The following SOCS7 variants were observed in gnomAD, a reference collection of about 807,000 sequenced individuals.
SOCS7 encodes suppressor of cytokine signaling 7.
In SOCS7, 18 loss-of-function variants were observed where a neutral mutation model predicts 58.9. The ratio of observed to expected loss-of-function variants is 0.31; its 90% CI spans 0.21 to 0.45. SOCS7 has a LOEUF of 0.45. Among genes scored for constraint, SOCS7 ranks in the 20% least tolerant of loss-of-function variants. The pLI is 1.00. For missense variants in SOCS7, 667 were observed against 837.3 expected (o/e 0.80, Z 2.51); for synonymous variants, 388 against 364.3 (o/e 1.06, Z -0.74).
At chr17:38,357,542 ATAGGTTCTT>A (rs2144313827) in intron 1 of SOCS7, among the ~76,000 whole-genome samples, 1 of 152,280 alleles carries the variant, frequency 6.6e-6, no homozygotes, top group South Asian at 2.1e-4. Flanking sequence ...AGTTCCCTCT[ATAGGTTCTT>A]TAGTTGGTTT....
intron 7 of SOCS7, among the ~76,000 whole-genome samples, chr17:38,387,115 ATATATATATATATGTATG>A (rs1434269401): frequency 2.8e-5 from 3 of 108,294 alleles, no homozygotes; most frequent in Non-Finnish European, 5.2e-5. Flanking sequence ...ATATATATAT[ATATATATATATATGTATG>A]TATATATATA....
rs112873262 is a variant in SOCS7, at chr17:38,378,574, T to G, written c.1681+732T>G. 4.6e-3 allele frequency among the ~76,000 whole-genome samples: 702 copies of G among 152,294 alleles called. 4 individuals are homozygous for G. The highest frequency in any genetic ancestry group is 0.035 in the East Asian group (181 of 5,188). ...GCACATTGCACTCTGTTAGGAAGTA[T>G]CTGCTGTGGGTTTGCCCATGTTGTA... On this transcript the variant is annotated intron_variant, in intron 7 of 9. Coordinates refer to ENST00000612932, the MANE Select transcript of SOCS7 (RefSeq NM_014598.4).
At chr17:38,366,560 TCA>T in intron 5 of SOCS7, 143 bp downstream of exon 5, 1 of 1,006,768 alleles carries the variant, frequency 9.9e-7, no homozygotes, top group Non-Finnish European at 1.4e-6. Context: ...GGTGGCATAA[TCA>T]TAGCTCACTG....
At chr17:38,399,114 GAA>G (rs2038284990) in intron 9 of SOCS7, among the ~76,000 whole-genome samples, 1 of 149,696 alleles carries the variant, frequency 6.7e-6, no homozygotes, top group Non-Finnish European at 1.5e-5. Context: ...AAGAAAGAAA[GAA>G]ATATAGAGCT....
chr17:38,396,572 A>G (rs1247713171), intron 9 of SOCS7, among the ~76,000 whole-genome samples: 5 of 152,230 alleles, frequency 3.3e-5, no homozygotes, highest in African/African-American at 9.6e-5. Flanking sequence ...TAAATTGTTG[A>G]AACTAAGGAA....
chr17:38,389,897 A>ATGTATATATATATATATG (rs1555571091), intron 7 of SOCS7, among the ~76,000 whole-genome samples: 1 of 77,356 alleles, frequency 1.3e-5, no homozygotes, highest in African/African-American at 8.0e-5. Flanking sequence ...ATATATATAT[A>ATGTATATATATATATATG]TACACATATA....
chr17:38,376,115 A>G (rs4795270), intron 6 of SOCS7, among the ~76,000 whole-genome samples: 33,587 of 152,170 alleles, frequency 0.22, 4,899 homozygotes, highest in East Asian at 0.43. Context: ...TATGTAAACT[A>G]TACACACATG....
chr17:38,366,448 T>G, intron 5 of SOCS7, 31 bp downstream of exon 5: 3 of 1,612,886 alleles, frequency 1.9e-6, no homozygotes, highest in Non-Finnish European at 2.5e-6. Flanking sequence ...GGCAGGTCAC[T>G]TCTCCTCCCA....
Position 38,366,359 on chromosome 17 carries a change from G to A in SOCS7, c.1325G>A (p.Cys442Tyr). The A allele has an allele frequency of 6.2e-7, 1 of 1,614,212 alleles. No individual in the cohort carries two copies. The highest frequency in any genetic ancestry group is 1.1e-5 in the South Asian group (1 of 91,084). Reference protein sequence around the residue: ...LHSQPPQHLQCPLYRPDSSSF... With the variant: ...LHSQPPQHLQYPLYRPDSSSF... Reference sequence around the variant, plus strand: ...AGCCAACCCCCACAGCACCTCCAGTGTCCCCTCTACCGGCCTGACTCGAGC... The same window carrying A: ...AGCCAACCCCCACAGCACCTCCAGTATCCCCTCTACCGGCCTGACTCGAGC... Residue 442 changes from cysteine (C) to tyrosine (Y), a missense_variant, in exon 5 of 10, where the codon TGT (cysteine) becomes TAT (tyrosine). By Grantham distance (194) the Cys-to-Tyr change is radical (BLOSUM62 -2). This residue lies in a region of SOCS7 where 99 missense variants were observed against 122.9 expected (regional missense o/e 0.81). Transcript: ENST00000612932.
chr17:38,360,946 T>G (rs1555567477), intron 1 of SOCS7, among the ~76,000 whole-genome samples: 1 of 152,236 alleles, frequency 6.6e-6, no homozygotes. Context: ...TCTTTTGAGT[T>G]TCTTTCATTT....
At chr17:38,361,369 C>T (rs111947521) in intron 1 of SOCS7, among the ~76,000 whole-genome samples, 74 of 152,230 alleles carry the variant, frequency 4.9e-4, no homozygotes, top group African/African-American at 1.7e-3. Flanking sequence ...TCTTGGCTCC[C>T]AGATGGAAAT....
At chr17:38,360,715 AT>A (rs1277107625) in intron 1 of SOCS7, among the ~76,000 whole-genome samples, 1 of 149,950 alleles carries the variant, frequency 6.7e-6, no homozygotes, top group Non-Finnish European at 1.5e-5. Flanking sequence ...AATTTTTTGT[AT>A]TTTTAGCAGA....
At position 38,402,823 on chromosome 17, in the gene SOCS7, G is replaced by A. The variant is rs2038339506; in HGVS notation, c.*3341G>A. ...GACCCACTGTTGATTCCTAAGTTGTGGGTGGGTGATATCAGTGGCCTCAGT... is the reference window on the plus strand; with the variant it reads ...GACCCACTGTTGATTCCTAAGTTGTAGGTGGGTGATATCAGTGGCCTCAGT... On this transcript the variant is annotated 3_prime_UTR_variant, in exon 10 of 10. Transcript: ENST00000612932. 1 of 152,194 alleles carries A rather than the reference G, an allele frequency of 6.6e-6. No individual in the cohort carries two copies. The highest frequency in any genetic ancestry group is 1.5e-5 in the Non-Finnish European group (1 of 68,044). 9.4% of individuals were successfully genotyped at this position (152,194 alleles called of 1,614,324 possible). A position where few individuals can be genotyped will look rare whatever the true frequency, so the allele number is the denominator to read the frequency against.
At chr17:38,377,876 A>G in intron 7 of SOCS7, 34 bp downstream of exon 7, 1 of 1,601,778 alleles carries the variant, frequency 6.2e-7, no homozygotes, top group Non-Finnish European at 8.5e-7. Context: ...ATTTAACTTA[A>G]GTTGGGTATG....
intron 7 of SOCS7, among the ~76,000 whole-genome samples, chr17:38,390,691 CCTTCTCTT>C (rs1160763623): frequency 3.3e-4 from 43 of 130,726 alleles, no homozygotes; most frequent in Admixed American, 8.7e-4. Context: ...TTCCTTCCTT[CCTTCTCTT>C]TCTTTCTGTC....
In SOCS7 at chr17:38,352,830, G is replaced by T. The variant is rs1481623328; in HGVS notation, c.778G>T (p.Gly260Trp). 2 of 1,566,600 alleles carry T rather than the reference G, an allele frequency of 1.3e-6. No individual in the cohort carries two copies. Among genetic ancestry groups the T allele is most frequent in the South Asian group, 1.2e-5 (1 of 85,276 alleles). The stretch of plus-strand genomic sequence containing the variant: ...ACCTCCCCCGCCCCCGCCTCCTCCC[G>T]GGCCCCTCCGGCCACTCGCGGGTCC... ...QQPPPPPPPP[G>W]PLRPLAGPSR... The change falls in exon 1 of 10, where the codon GGG (glycine) becomes TGG (tryptophan). Residue 260 changes from glycine to tryptophan, a missense_variant. Physicochemically the swap from Gly to Trp is radical, Grantham distance 184. Coordinates refer to ENST00000612932, the MANE Select transcript of SOCS7 (RefSeq NM_014598.4). This position sits in a 1 kb window ranked among gnomAD's most constrained non-coding sequence, Gnocchi z 5.5.
chr17:38,386,346 AAATT>A, intron 7 of SOCS7, among the ~76,000 whole-genome samples: 1 of 150,934 alleles, frequency 6.6e-6, no homozygotes, highest in East Asian at 2.0e-4. Flanking sequence ...AAAAAAAAAA[AAATT>A]AGCCAGGTGG....
intron 7 of SOCS7, among the ~76,000 whole-genome samples, chr17:38,384,741 C>T (rs2038045876): frequency 6.6e-6 from 1 of 151,842 alleles, no homozygotes. Context: ...TACAGGCACA[C>T]ACCACCACAC....
Position 38,405,470 on chromosome 17 carries a change from T to A in SOCS7, c.*5988T>A, listed in dbSNP as rs79240905. 6.0e-4 allele frequency: 91 copies of A among 152,274 alleles called. No homozygotes were observed. The highest frequency in any genetic ancestry group is 2.0e-3 in the African/African-American group (83 of 41,566). The allele number at this position is 152,274 out of a possible 1,614,324, so 9.4% of individuals were successfully genotyped here. On this transcript the variant is annotated 3_prime_UTR_variant, in exon 10 of 10. Transcript: ENST00000612932. Reference sequence around the variant, plus strand: ...CCCATGTACAATTCCCAGTTTTTTGTAAGTGTCAGTGCGAGAGACATTTGA... The same window carrying A: ...CCCATGTACAATTCCCAGTTTTTTGAAAGTGTCAGTGCGAGAGACATTTGA...
Sources: allele counts gnomAD v4.1 joint callset (sites outside exome capture counted in the v4.1 genomes callset), GRCh38; gene constraint gnomAD v4.1.1; regional missense constraint gnomAD v4.1.1; non-coding constraint Gnocchi (gnomAD v3.1); transcripts MANE v1.5; gene names NCBI Gene and HGNC (gene_info 2026-07-23, HGNC 2026-07-21).